The following CNTN5 variants were observed in gnomAD, a reference collection of about 807,000 sequenced individuals.
The protein encoded by CNTN5 is contactin-5.
A neutral mutation model predicts 129.1 loss-of-function variants in CNTN5; 77 were observed. The observed-to-expected ratio is 0.60, with a 90% CI of 0.50 to 0.72. CNTN5 has a LOEUF of 0.72. CNTN5 is among the 30% of genes least tolerant of loss of function. CNTN5 has a pLI of 0.00. For missense variants in CNTN5, 1,478 were observed against 1,328.8 expected (o/e 1.11, Z -1.75); for synonymous variants, 509 against 465.6 (o/e 1.09, Z -1.20).
chr11:100,134,247 G>T (rs1946459778), intron 13 of CNTN5, among the ~76,000 whole-genome samples: 1 of 152,072 alleles, frequency 6.6e-6, no homozygotes, highest in African/African-American at 2.4e-5. Context: ...AAAAATAAAT[G>T]AAATATGAAC....
intron 3 of CNTN5, among the ~76,000 whole-genome samples, chr11:99,651,092 G>A (rs1952138398): frequency 6.6e-6 from 1 of 151,906 alleles, no homozygotes; most frequent in Non-Finnish European, 1.5e-5. Context: ...ATCAAGATGG[G>A]ACTCTGTCCT....
chr11:99,214,945 A>G (rs981799243), intron 1 of CNTN5, among the ~76,000 whole-genome samples: 1 of 152,078 alleles, frequency 6.6e-6, no homozygotes, highest in African/African-American at 2.4e-5. Flanking sequence ...TAAGTCTATG[A>G]TTAGACTCCT....
At chr11:99,717,881 T>C (rs924975351) in intron 3 of CNTN5, among the ~76,000 whole-genome samples, 7 of 152,072 alleles carry the variant, frequency 4.6e-5, no homozygotes, top group Admixed American at 4.6e-4. Flanking sequence ...TCAAAGAAGA[T>C]TATAGTTAGA....
At chr11:99,178,387 G>T (rs1298001999) in intron 1 of CNTN5, among the ~76,000 whole-genome samples, 1 of 148,954 alleles carries the variant, frequency 6.7e-6, no homozygotes, top group Admixed American at 6.8e-5. Context: ...CAGGTGTGGG[G>T]CTGTGCACCT....
intron 3 of CNTN5, among the ~76,000 whole-genome samples, chr11:99,566,926 CTA>C (rs1410311155): frequency 6.6e-6 from 1 of 152,042 alleles, no homozygotes; most frequent in Non-Finnish European, 1.5e-5. Context: ...CTAAATTTAC[CTA>C]TATATTTCTA....
intron 9 of CNTN5, among the ~76,000 whole-genome samples, chr11:100,056,727 GAGT>G (rs1226157123): frequency 6.6e-6 from 1 of 151,602 alleles, no homozygotes; most frequent in African/African-American, 2.4e-5. Context: ...AGAGGACATA[GAGT>G]AGTAGTTTTC....
intron 1 of CNTN5, among the ~76,000 whole-genome samples, chr11:99,237,725 G>T (rs1861352349): frequency 6.6e-6 from 1 of 152,054 alleles, no homozygotes; most frequent in Non-Finnish European, 1.5e-5. Context: ...GTATGTGCCA[G>T]ATACTTCAAT....
intron 1 of CNTN5, among the ~76,000 whole-genome samples, chr11:99,155,998 G>T (rs1353152936): frequency 6.6e-6 from 1 of 152,008 alleles, no homozygotes; most frequent in Non-Finnish European, 1.5e-5. Flanking sequence ...GAAAGAAAAT[G>T]TAGACAAATA....
chr11:99,863,907 A>G (rs1047077048), intron 6 of CNTN5, among the ~76,000 whole-genome samples: 2 of 152,166 alleles, frequency 1.3e-5, no homozygotes, highest in Non-Finnish European at 2.9e-5. Context: ...TAATAAGTCA[A>G]GGGGGTATGA....
intron 1 of CNTN5, among the ~76,000 whole-genome samples, chr11:99,121,847 G>A (rs1858350406): frequency 6.6e-6 from 1 of 151,952 alleles, no homozygotes; most frequent in Admixed American, 6.6e-5. Flanking sequence ...ATGCAGGCAA[G>A]CATAATTTTA....
chr11:99,363,888 G>A (rs1249447220), intron 2 of CNTN5, among the ~76,000 whole-genome samples: 2 of 151,966 alleles, frequency 1.3e-5, no homozygotes, highest in African/African-American at 4.8e-5. Flanking sequence ...CACTAGTCCT[G>A]TTTTCTTTCC....
At chr11:99,200,876 T>C (rs1338982560) in intron 1 of CNTN5, among the ~76,000 whole-genome samples, 4 of 152,168 alleles carry the variant, frequency 2.6e-5, no homozygotes, top group Non-Finnish European at 4.4e-5. Flanking sequence ...ACCTGCCTCA[T>C]GTTTCTCAAT....
intron 13 of CNTN5, among the ~76,000 whole-genome samples, chr11:100,153,834 A>T (rs1441303781): frequency 3.3e-5 from 5 of 152,006 alleles, no homozygotes; most frequent in African/African-American, 7.3e-5. Flanking sequence ...TTATATATGG[A>T]ATAGATTACC....
intron 3 of CNTN5, among the ~76,000 whole-genome samples, chr11:99,601,841 G>C (rs951353532): frequency 1.3e-5 from 2 of 152,052 alleles, no homozygotes; most frequent in African/African-American, 2.4e-5. Context: ...TACATTTAGA[G>C]GTATATGTCA....
At chr11:99,970,002 A>T (rs981138708) in intron 8 of CNTN5, among the ~76,000 whole-genome samples, 1 of 152,178 alleles carries the variant, frequency 6.6e-6, no homozygotes, top group African/African-American at 2.4e-5. Context: ...CATTTGTGCT[A>T]TTAATTACAT....
chr11:99,746,801 G>A (rs969016369), intron 3 of CNTN5, among the ~76,000 whole-genome samples: 13 of 152,100 alleles, frequency 8.5e-5, no homozygotes, highest in Non-Finnish European at 1.2e-4. Flanking sequence ...TTTCTGTGTC[G>A]GTACCATGAT....
chr11:99,397,673 C>G (rs957742893), intron 2 of CNTN5, among the ~76,000 whole-genome samples: 3 of 151,552 alleles, frequency 2.0e-5, no homozygotes, highest in Non-Finnish European at 4.4e-5. Flanking sequence ...TTGAAATACT[C>G]TCATGTTTGT....
intron 8 of CNTN5, among the ~76,000 whole-genome samples, chr11:99,958,537 T>C (rs531999744): frequency 7.2e-5 from 11 of 152,294 alleles, no homozygotes; most frequent in African/African-American, 2.6e-4. Flanking sequence ...CTAATACCCA[T>C]AAGAGAGAGC....
chr11:99,461,267 A>G (rs377351527), intron 2 of CNTN5, among the ~76,000 whole-genome samples: 1 of 152,092 alleles, frequency 6.6e-6, no homozygotes, highest in East Asian at 1.9e-4. Context: ...GTCAAGGTGT[A>G]TGTTTTTGAT....
Sources: gnomAD v4.1 joint callset for allele counts (sites outside exome capture counted in the v4.1 genomes callset) on GRCh38, gnomAD v4.1.1 for gene constraint, MANE v1.5 for transcripts, NCBI Gene and HGNC (gene_info 2026-07-23, HGNC 2026-07-21) for gene names.